PLEKHA5: variants seen among roughly 807,000 people sequenced by gnomAD.
The protein encoded by PLEKHA5 is pleckstrin homology domain-containing family A member 5.
In PLEKHA5, 55 loss-of-function variants were observed where a neutral mutation model predicts 181.9. That is an observed-to-expected ratio of 0.30 (90% CI 0.24 to 0.38). The LOEUF is 0.38. Among genes scored for constraint, PLEKHA5 ranks in the 10% least tolerant of loss-of-function variants. PLEKHA5 has a pLI of 1.00. For missense variants in PLEKHA5, 1,432 were observed against 1,549.5 expected (o/e 0.92, Z 1.27); for synonymous variants, 535 against 529.4 (o/e 1.01, Z -0.15).
intron 3 of PLEKHA5, chr12:19,201,594 CAA>C (rs1172796398): frequency 1.3e-5 from 2 of 152,126 alleles, no homozygotes; most frequent in African/African-American, 4.8e-5. Context: ...AATGGAGAGA[CAA>C]AATGTGTTTA....
chr12:19,197,390 C>G (rs2053072868), intron 3 of PLEKHA5, among the ~76,000 whole-genome samples: 1 of 152,050 alleles, frequency 6.6e-6, no homozygotes, highest in South Asian at 2.1e-4. Context: ...TGACCTTTTC[C>G]TCTGCCTGTC....
intron 3 of PLEKHA5, among the ~76,000 whole-genome samples, chr12:19,226,166 G>A (rs1037992909): frequency 3.9e-5 from 6 of 152,130 alleles, no homozygotes; most frequent in Admixed American, 2.0e-4. Flanking sequence ...ACTATTTGGG[G>A]CATTTCTTAT....
intron 26 of PLEKHA5, among the ~76,000 whole-genome samples, chr12:19,356,415 A>G (rs2094930395): frequency 6.6e-6 from 1 of 151,436 alleles, no homozygotes; most frequent in South Asian, 2.1e-4. Flanking sequence ...CCTACTCAAG[A>G]AGCTGAGATA....
intron 22 of PLEKHA5, among the ~76,000 whole-genome samples, chr12:19,344,190 C>A (rs1212112915): frequency 6.6e-6 from 1 of 152,032 alleles, no homozygotes; most frequent in Non-Finnish European, 1.5e-5. Context: ...AATTGAGTTT[C>A]TTTTGTTATT....
chr12:19,306,636 G>A, intron 15 of PLEKHA5: 2 of 1,154,736 alleles, frequency 1.7e-6, no homozygotes, highest in Non-Finnish European at 1.3e-6. Flanking sequence ...GGAGGCGGCG[G>A]CATCGAGGTA....
chr12:19,236,050 AAGTT>A (rs1319679414), intron 3 of PLEKHA5, among the ~76,000 whole-genome samples: 1 of 152,196 alleles, frequency 6.6e-6, no homozygotes, highest in African/African-American at 2.4e-5. Flanking sequence ...CACAAAAGGA[AAGTT>A]AGGAATGTAA....
At chr12:19,147,712 C>G (rs1215156944) in intron 3 of PLEKHA5, among the ~76,000 whole-genome samples, 1 of 150,960 alleles carries the variant, frequency 6.6e-6, no homozygotes, top group Non-Finnish European at 1.5e-5. Context: ...GGGATTGCAA[C>G]TGTATAATTA....
chr12:19,143,038 G>GTGGGTTATTTCCTTATTT (rs1347602392), intron 3 of PLEKHA5, among the ~76,000 whole-genome samples: 2 of 152,130 alleles, frequency 1.3e-5, no homozygotes, highest in East Asian at 3.8e-4. Context: ...TGATGGACAT[G>GTGGGTTATTTCCTTATTT]TGGGTTATTT....
rs2066178480 is a variant in PLEKHA5 at position 19,254,135 on chromosome 12, T to C, written c.311+112T>C. The C allele has an allele frequency of 1.9e-5, 13 of 699,828 alleles. No individual in the cohort carries two copies. In the South Asian group the frequency reaches 2.3e-4, roughly 13 times the overall value. The allele number at this position is 699,828 out of a possible 1,614,324, so 43.4% of individuals were successfully genotyped here. ...TCTTATCTGGACATTTGTAGTCAAG[T>C]ATAATAACAGAATGCCAGCTGTTCA... On this transcript the variant is annotated intron_variant, in intron 4 of 31. Transcript: ENST00000429027.
intron 20 of PLEKHA5, among the ~76,000 whole-genome samples, chr12:19,331,027 G>A (rs1414716643): frequency 6.6e-6 from 1 of 152,044 alleles, no homozygotes; most frequent in Non-Finnish European, 1.5e-5. Flanking sequence ...TTAATGAAAA[G>A]CAGAAAAATG....
At chr12:19,221,278 T>C (rs1280567889) in intron 3 of PLEKHA5, among the ~76,000 whole-genome samples, 1 of 152,132 alleles carries the variant, frequency 6.6e-6, no homozygotes, top group Non-Finnish European at 1.5e-5. Flanking sequence ...AAATAAACTG[T>C]GGTATATCCA....
chr12:19,269,843 C>T lies in PLEKHA5; in HGVS notation c.785C>T (p.Ala262Val), dbSNP rs768899715. ...TGKEMELWMK[A>V]MLDAALVQTE... ...AAGGAAATGGAGTTGTGGATGAAAG[C>T]CATGTTAGATGCTGCCCTAGTACAG... The change falls in exon 9 of 32, where the codon GCC becomes GTC. Residue 262 changes from alanine to valine, a missense_variant. Ala to Val is a moderately conservative substitution (Grantham distance 64). Coordinates refer to ENST00000429027, the MANE Select transcript of PLEKHA5 (RefSeq NM_001256470.2). The T allele has an allele frequency of 1.9e-6, 3 of 1,607,970 alleles. No homozygotes were observed. The East Asian group carries it at 6.7e-5, about 36-fold the overall frequency.
At chr12:19,357,909 G>T in intron 26 of PLEKHA5, among the ~76,000 whole-genome samples, 1 of 151,768 alleles carries the variant, frequency 6.6e-6, no homozygotes, top group Admixed American at 6.6e-5. Flanking sequence ...CAAAGTGCTG[G>T]GATTATAGGT....
chr12:19,303,889 C>T (rs2082331685), intron 15 of PLEKHA5: 1 of 144,988 alleles, frequency 6.9e-6, no homozygotes, highest in South Asian at 2.3e-4. Flanking sequence ...AATCATGGCT[C>T]ACTGCAGCCT....
intron 15 of PLEKHA5, chr12:19,307,490 A>G: frequency 3.4e-6 from 1 of 296,164 alleles, no homozygotes; most frequent in South Asian, 4.1e-5. Flanking sequence ...AAATAGAGGA[A>G]GCTATGAAAA....
At chr12:19,186,835 T>C (rs1172088736) in intron 3 of PLEKHA5, among the ~76,000 whole-genome samples, 1 of 152,218 alleles carries the variant, frequency 6.6e-6, no homozygotes, top group South Asian at 2.1e-4. Flanking sequence ...TTCCTTTCTC[T>C]TTGGGCAGAA....
At chr12:19,251,262 C>T (rs2065187276) in intron 3 of PLEKHA5, among the ~76,000 whole-genome samples, 1 of 151,866 alleles carries the variant, frequency 6.6e-6, no homozygotes, top group African/African-American at 2.4e-5. Flanking sequence ...AAAAATTAGC[C>T]AGGCATGGTG....
At chr12:19,366,310 T>C (rs940234711) in intron 30 of PLEKHA5, among the ~76,000 whole-genome samples, 3 of 152,108 alleles carry the variant, frequency 2.0e-5, no homozygotes, top group Non-Finnish European at 4.4e-5. Flanking sequence ...ACACATTGGC[T>C]TTGGTTTTGC....
chr12:19,131,741 T>G lies in PLEKHA5; in HGVS notation c.170-652T>G, dbSNP rs1029624748. ...GTTTTGTACACACATCGGTTGTTTT[T>G]ACTTCCAAGAGGCATTTTGATGAAA... On this transcript the variant is annotated intron_variant, in intron 2 of 31. Coordinates refer to ENST00000429027, the MANE Select transcript of PLEKHA5 (RefSeq NM_001256470.2). 2.0e-5 allele frequency among the ~76,000 whole-genome samples: 3 copies of G among 152,170 alleles called. No homozygotes were observed. In the South Asian group the frequency reaches 6.2e-4, roughly 32 times the overall value.
Sources: allele counts gnomAD v4.1 joint callset (sites outside exome capture counted in the v4.1 genomes callset), GRCh38; gene constraint gnomAD v4.1.1; transcripts MANE v1.5; gene names NCBI Gene and HGNC (gene_info 2026-07-23, HGNC 2026-07-21).